The following CELF2 variants were observed in gnomAD, a reference collection of about 807,000 sequenced individuals.
CELF2 encodes CUGBP Elav-like family member 2.
Under a neutral mutation model 62.6 loss-of-function variants are expected in CELF2, and 8 were observed. That is an observed-to-expected ratio of 0.13 (90% CI 0.07 to 0.23). CELF2 has a LOEUF of 0.23. Ranked by LOEUF, CELF2 falls within the 10% of genes least tolerant of loss-of-function variation. The pLI is 1.00. For missense variants in CELF2, 333 were observed against 671.0 expected (o/e 0.50, Z 5.56); for synonymous variants, 258 against 250.0 (o/e 1.03, Z -0.30).
chr10:10,473,503 T>A, the CELF2 span, among the ~76,000 whole-genome samples: 1 of 152,074 alleles, frequency 6.6e-6, no homozygotes, highest in African/African-American at 2.4e-5. Context: ...AGTACTATTG[T>A]TACATATACC....
In CELF2 at chr10:10,934,336, C is replaced by T. The variant is rs919361647; in HGVS notation, c.89+14337C>T. ...GGAGTGGCCCCAAGTCTACCGTGCT[C>T]ACCTTTCTATCCTCAACACCTAGCA... On this transcript the variant is annotated intron_variant, in intron 2 of 13. Transcript: ENST00000636488. This position sits in a 1 kb window ranked among gnomAD's most constrained non-coding sequence, Gnocchi z 4.4. Among the ~76,000 whole-genome samples the T allele has an allele frequency of 2.6e-5, 4 of 152,190 alleles. No homozygotes were observed. The highest frequency in any genetic ancestry group is 4.8e-5 in the African/African-American group (2 of 41,446).
the CELF2 span, among the ~76,000 whole-genome samples, chr10:10,763,524 G>A: frequency 6.6e-6 from 1 of 152,160 alleles, no homozygotes; most frequent in African/African-American, 2.4e-5. Flanking sequence ...TGTACCTTCC[G>A]CAGAGCTGCC....
rs190999786 is a variant in CELF2, at chr10:10,956,237, G to A, written c.89+36238G>A. Among the ~76,000 whole-genome samples the A allele has an allele frequency of 4.5e-3, 683 of 152,294 alleles. 8 individuals carry two copies. Among genetic ancestry groups the A allele is most frequent in the African/African-American group, 0.016 (662 of 41,562 alleles). ...GCCACAAAACTACCCTTAATAAGAA[G>A]TGAAAGAAAGAAGAATGGAAGCTTA... is the stretch of plus-strand genomic sequence containing the variant. On this transcript the variant is annotated intron_variant, in intron 2 of 13. Coordinates refer to the CELF2 transcript ENST00000636488.
chr10:10,509,347 T>C, the CELF2 span, among the ~76,000 whole-genome samples: 1 of 152,112 alleles, frequency 6.6e-6, no homozygotes, highest in Admixed American at 6.5e-5. Flanking sequence ...TGTAACAATA[T>C]TAGGAAGTGG....
At chr10:10,698,160 A>G in the CELF2 span, among the ~76,000 whole-genome samples, 27 of 152,242 alleles carry the variant, frequency 1.8e-4, no homozygotes, top group African/African-American at 6.3e-4. Context: ...CAGTCAGTTT[A>G]TTTCGTAGAT....
At position 11,106,482 on chromosome 10, in the gene CELF2, C is replaced by T. The variant is rs558775849; in HGVS notation, c.75-59004C>T. ...GAACTCCTGACCTCAAGTGATCTGC[C>T]CTCCTCAGCCTCCCAAAGGGCTGGG... On this transcript the variant is annotated intron_variant, in intron 1 of 12. Transcript: ENST00000633077. Among the ~76,000 whole-genome samples, 93 of 152,286 alleles carry T rather than the reference C, an allele frequency of 6.1e-4. 1 individual carries two copies. The Middle Eastern group carries it at 0.01, about 17-fold the overall frequency.
Position 11,178,939 on chromosome 10 carries a change from C to T in CELF2, c.271+13257C>T, listed in dbSNP as rs768573515. Among the ~76,000 whole-genome samples, 10 of 152,204 alleles carry T rather than the reference C, an allele frequency of 6.6e-5. No individual in the cohort carries two copies. The highest frequency in any genetic ancestry group is 1.2e-4 in the Non-Finnish European group (8 of 68,034). ...TTTAGAACACTTCAAAGTCAGGAAA[C>T]CGTTAAACCACACTGCATCCTCTCT... On this transcript the variant is annotated intron_variant, in intron 2 of 12. Coordinates refer to ENST00000633077, the MANE Select transcript of CELF2 (RefSeq NM_001326342.2). This position sits in a 1 kb window ranked among gnomAD's most constrained non-coding sequence, Gnocchi z 4.3.
the CELF2 span, among the ~76,000 whole-genome samples, chr10:10,641,621 A>G: frequency 4.6e-5 from 7 of 151,932 alleles, no homozygotes; most frequent in Admixed American, 3.3e-4. Context: ...TTGTATTTTT[A>G]GTAGAGACAA....
At chr10:10,530,294 C>G in the CELF2 span, among the ~76,000 whole-genome samples, 16 of 152,104 alleles carry the variant, frequency 1.1e-4, no homozygotes, top group African/African-American at 3.1e-4. Flanking sequence ...AGGAGATGTG[C>G]TCTGCTACAA....
the CELF2 span, among the ~76,000 whole-genome samples, chr10:10,768,265 T>C: frequency 6.6e-6 from 1 of 152,014 alleles, no homozygotes; most frequent in Non-Finnish European, 1.5e-5. Flanking sequence ...CTGAGTTGCA[T>C]AGACGTGGGT....
At chr10:11,299,407 G>GA (rs2093498112) in intron 9 of CELF2, among the ~76,000 whole-genome samples, 1 of 152,188 alleles carries the variant, frequency 6.6e-6, no homozygotes, top group African/African-American at 2.4e-5. Flanking sequence ...TTGCCCAGAG[G>GA]AAAATCTGCC....
chr10:10,925,321 G>A (rs2065359212), intron 2 of CELF2: 1 of 152,148 alleles, frequency 6.6e-6, no homozygotes, highest in African/African-American at 2.4e-5. Flanking sequence ...CAGCTCTCCT[G>A]GGGCCCATGC....
chr10:11,051,651 C>T (rs2063945825), intron 1 of CELF2, among the ~76,000 whole-genome samples: 1 of 152,102 alleles, frequency 6.6e-6, no homozygotes, highest in Non-Finnish European at 1.5e-5. Flanking sequence ...GAGAGGGAGA[C>T]AGATGTTAAT....
chr10:10,841,128 G>A (rs2058653792), intron 1 of CELF2, among the ~76,000 whole-genome samples: 1 of 152,108 alleles, frequency 6.6e-6, no homozygotes, highest in Admixed American at 6.6e-5. Flanking sequence ...CTTTGCTACT[G>A]TAAATAGTGC....
chr10:10,982,328 G>A (rs531363883), intron 2 of CELF2, among the ~76,000 whole-genome samples: 1 of 152,144 alleles, frequency 6.6e-6, no homozygotes, highest in Non-Finnish European at 1.5e-5. Flanking sequence ...GAAATGATAG[G>A]TAGAGGTGTA....
intron 1 of CELF2, 54 bp downstream of exon 1, chr10:11,018,217 C>T (rs996357554): frequency 1.4e-6 from 2 of 1,456,072 alleles, no homozygotes; most frequent in South Asian, 1.2e-5. Context: ...CTCCCAGAGT[C>T]GGCGGCGCGA....
At chr10:10,472,321 T>A in the CELF2 span, among the ~76,000 whole-genome samples, 1 of 151,804 alleles carries the variant, frequency 6.6e-6, no homozygotes, top group African/African-American at 2.4e-5. Context: ...TTGTATTGAT[T>A]TATCTTCAAG....
intron 1 of CELF2, among the ~76,000 whole-genome samples, chr10:10,869,078 T>A (rs1012962034): frequency 2.0e-5 from 3 of 152,212 alleles, no homozygotes; most frequent in Non-Finnish European, 4.4e-5. Context: ...GCAAAAACTT[T>A]TTTTCCATGT....
At chr10:10,823,991 T>C (rs2057182898) in intron 1 of CELF2, among the ~76,000 whole-genome samples, 1 of 152,184 alleles carries the variant, frequency 6.6e-6, no homozygotes, top group Admixed American at 6.6e-5. Context: ...GATAGATACA[T>C]AGATACATAG....
Sources: gnomAD v4.1 joint callset for allele counts (sites outside exome capture counted in the v4.1 genomes callset) on GRCh38, gnomAD v4.1.1 for gene constraint, Gnocchi (gnomAD v3.1) non-coding constraint, MANE v1.5 for transcripts, NCBI Gene and HGNC (gene_info 2026-07-23, HGNC 2026-07-21) for gene names.